Variants in SUSD6 observed in about 807,000 individuals in gnomAD.
SUSD6 encodes the protein sushi domain containing 6.
In SUSD6, 16 loss-of-function variants were observed where a neutral mutation model predicts 28.4. The ratio of observed to expected loss-of-function variants is 0.56; its 90% CI spans 0.38 to 0.86. The LOEUF (loss-of-function observed/expected upper bound fraction) is 0.86, where lower values mean the gene tolerates loss of function less well. Ranked by LOEUF, SUSD6 falls within the 40% of genes least tolerant of loss-of-function variation. The pLI is 0.00. For missense variants in SUSD6, 341 were observed against 384.2 expected (o/e 0.89, Z 0.94); for synonymous variants, 147 against 159.6 (o/e 0.92, Z 0.59).
At chr14:69,670,027 C>G (rs904149005) in intron 2 of SUSD6, among the ~76,000 whole-genome samples, 3 of 152,188 alleles carry the variant, frequency 2.0e-5, no homozygotes, top group African/African-American at 4.8e-5. Context: ...CGCTATAGAC[C>G]TTGCTCCAAA....
intron 2 of SUSD6, among the ~76,000 whole-genome samples, chr14:69,673,939 G>T (rs1249245743): frequency 6.6e-6 from 1 of 152,206 alleles, no homozygotes; most frequent in African/African-American, 2.4e-5. Flanking sequence ...TACCCTGACA[G>T]CTTCCTCCTC....
chr14:69,625,337 G>A (rs981181946), intron 1 of SUSD6, among the ~76,000 whole-genome samples: 1 of 152,230 alleles, frequency 6.6e-6, no homozygotes, highest in Admixed American at 6.5e-5. Flanking sequence ...TGCTTGAAGA[G>A]AGGAGGCAGT....
chr14:69,702,871 A>G (rs1193908848), intron 2 of SUSD6, among the ~76,000 whole-genome samples: 1 of 152,170 alleles, frequency 6.6e-6, no homozygotes, highest in Non-Finnish European at 1.5e-5. Flanking sequence ...GCCATTGACT[A>G]CTATAGTCAG....
chr14:69,694,701 CAGG>C (rs1189670539), intron 2 of SUSD6, among the ~76,000 whole-genome samples: 1 of 152,124 alleles, frequency 6.6e-6, no homozygotes, highest in African/African-American at 2.4e-5. Flanking sequence ...CTCCAGGTGA[CAGG>C]AGTTTTTATG....
chr14:69,669,629 A>C (rs531646699), intron 2 of SUSD6, among the ~76,000 whole-genome samples: 26 of 152,314 alleles, frequency 1.7e-4, no homozygotes, highest in Admixed American at 1.4e-3. Context: ...CTTCTCCCCT[A>C]AACATCTTCA....
chr14:69,634,505 A>G (rs1300820691), intron 1 of SUSD6, among the ~76,000 whole-genome samples: 1 of 152,216 alleles, frequency 6.6e-6, no homozygotes, highest in Non-Finnish European at 1.5e-5. Flanking sequence ...GCATCATGCT[A>G]ACTTTTCCCC....
intron 2 of SUSD6, among the ~76,000 whole-genome samples, chr14:69,688,673 G>A (rs536232923): frequency 3.3e-5 from 5 of 152,244 alleles, no homozygotes; most frequent in South Asian, 2.1e-4. Context: ...TGGAAAACTC[G>A]CAATGGATTT....
At chr14:69,641,148 G>A (rs887167643) in intron 1 of SUSD6, among the ~76,000 whole-genome samples, 5 of 152,222 alleles carry the variant, frequency 3.3e-5, no homozygotes, top group African/African-American at 1.2e-4. Context: ...TGTCTGCCAT[G>A]TGTCTAATTC....
chr14:69,679,691 C>G (rs888257985), intron 2 of SUSD6, among the ~76,000 whole-genome samples: 2 of 151,946 alleles, frequency 1.3e-5, no homozygotes, highest in African/African-American at 2.4e-5. Context: ...ATTGGACACC[C>G]CTGGTGTAAA....
At chr14:69,633,582 T>C (rs1253010675) in intron 1 of SUSD6, among the ~76,000 whole-genome samples, 1 of 152,264 alleles carries the variant, frequency 6.6e-6, no homozygotes, top group East Asian at 1.9e-4. Flanking sequence ...AATTTCTTTT[T>C]TTCCTATTTT....
intron 1 of SUSD6, among the ~76,000 whole-genome samples, chr14:69,627,332 T>G (rs929944016): frequency 5.9e-5 from 9 of 152,292 alleles, no homozygotes; most frequent in Middle Eastern, 3.4e-3. Context: ...CAGGAGCAGC[T>G]TCAGGACACC....
At chr14:69,664,933 C>G (rs891144590) in intron 2 of SUSD6, among the ~76,000 whole-genome samples, 4 of 152,180 alleles carry the variant, frequency 2.6e-5, no homozygotes, top group African/African-American at 9.7e-5. Context: ...CCACTTCTTA[C>G]CCACTGGAAG....
intron 2 of SUSD6, 23 bp from the exon 3 acceptor site, chr14:69,703,372 C>T (rs1886339174): frequency 1.9e-6 from 3 of 1,602,664 alleles, no homozygotes; most frequent in African/African-American, 2.7e-5. Context: ...CACTGTACCC[C>T]TGCTCTCTCC....
intron 1 of SUSD6, among the ~76,000 whole-genome samples, chr14:69,637,983 C>A (rs1885289528): frequency 6.6e-6 from 1 of 152,088 alleles, no homozygotes; most frequent in African/African-American, 2.4e-5. Flanking sequence ...CCAGCTGCTG[C>A]CCCCCACCAC....
chr14:69,644,545 G>A (rs1439435766), intron 1 of SUSD6, among the ~76,000 whole-genome samples: 3 of 152,032 alleles, frequency 2.0e-5, no homozygotes, highest in Non-Finnish European at 2.9e-5. Flanking sequence ...AGCTACTCGG[G>A]AGGCTGAGGC....
chr14:69,641,017 C>T (rs1957367), intron 1 of SUSD6, among the ~76,000 whole-genome samples: 3,990 of 152,298 alleles, frequency 0.026, 187 homozygotes, highest in African/African-American at 0.091. Context: ...TTGTACTCAA[C>T]ACTAGGCCTT....
rs143064243 is a variant in SUSD6, at chr14:69,671,257, G to A, written c.121+12544G>A. Reference sequence around the variant, plus strand: ...AAGTTGAATGAGTCTAAACAGGAAAGGAAAGAGGGTTGGAAGGAGGATGTT... The same window carrying A: ...AAGTTGAATGAGTCTAAACAGGAAAAGAAAGAGGGTTGGAAGGAGGATGTT... On this transcript the variant is annotated intron_variant, in intron 2 of 5. Transcript: ENST00000342745. Among the ~76,000 whole-genome samples, 642 of 152,354 alleles carry A rather than the reference G, an allele frequency of 4.2e-3. 5 individuals are homozygous for A. Among genetic ancestry groups the A allele is most frequent in the Non-Finnish European group, 6.5e-3 (445 of 68,036 alleles).
chr14:69,637,549 T>C (rs779866557), intron 1 of SUSD6, among the ~76,000 whole-genome samples: 7 of 152,192 alleles, frequency 4.6e-5, no homozygotes, highest in Non-Finnish European at 1.0e-4. Flanking sequence ...TTCTGAGCTG[T>C]GTGTGGGTGC....
chr14:69,642,327 C>G (rs564118929), intron 1 of SUSD6, among the ~76,000 whole-genome samples: 1 of 152,278 alleles, frequency 6.6e-6, no homozygotes, highest in Non-Finnish European at 1.5e-5. Flanking sequence ...CTGAAGATTC[C>G]ATCCAGTGCC....
Sources: gnomAD v4.1 joint callset for allele counts (sites outside exome capture counted in the v4.1 genomes callset) on GRCh38, gnomAD v4.1.1 for gene constraint, MANE v1.5 for transcripts, NCBI Gene and HGNC (gene_info 2026-07-23, HGNC 2026-07-21) for gene names.